Variants in ENTPD7 observed in about 807,000 individuals in gnomAD.
The protein encoded by ENTPD7 is ectonucleoside triphosphate diphosphohydrolase 7.
ENTPD7 carries 53 observed loss-of-function variants against 77.9 expected under a neutral mutation model. The observed-to-expected ratio is 0.68, with a 90% CI of 0.55 to 0.85. The LOEUF is 0.85. Ranked by LOEUF, ENTPD7 falls within the 40% of genes least tolerant of loss-of-function variation. The probability of loss-of-function intolerance (pLI) is 0.00; values close to 1 mark genes in which losing one functional copy is unlikely to be tolerated. For synonymous variants in ENTPD7, 248 were observed against 274.9 expected, an observed-to-expected ratio of 0.90 and a Z score of 0.97; for missense variants, 636 against 743.7, an observed-to-expected ratio of 0.86 and a Z score of 1.68.
At chr10:99,702,442 G>A in intron 11 of ENTPD7, 70 bp from the exon 12 acceptor site, 2 of 1,335,136 alleles carry the variant, frequency 1.5e-6, no homozygotes, top group Non-Finnish European at 2.0e-6. Context: ...AATACGGAGT[G>A]GCTTATTGCA....
In ENTPD7 at chr10:99,711,137, CAT is replaced by C; in HGVS notation, c.*6456_*6457del. ...CTAAGATAATCATTCACCAGAAGCT[CAT>C]AGATATAATACAGTTATATAGCTAA... On this transcript the variant is annotated 3_prime_UTR_variant, in exon 13 of 13. Coordinates refer to ENST00000370489, the MANE Select transcript of ENTPD7 (RefSeq NM_020354.5). 1.0e-6 allele frequency: 1 copy of C among 984,990 alleles called. No homozygotes were observed. Among genetic ancestry groups the C allele is most frequent in the Non-Finnish European group, 1.2e-6 (1 of 829,666 alleles). 61.0% of individuals were successfully genotyped at this position (984,990 alleles called of 1,614,324 possible). A position where few individuals can be genotyped will look rare whatever the true frequency, so the allele number is the denominator to read the frequency against.
In ENTPD7 at chr10:99,701,292, T is replaced by A. The variant is rs1041033041; in HGVS notation, c.1421+234T>A. 6.9e-4 allele frequency among the ~76,000 whole-genome samples: 3 copies of A among 4,374 alleles called. No individual in the cohort carries two copies. In the Admixed American group the frequency reaches 0.013, roughly 18 times the overall value. The allele number at this position is 4,374 out of a possible 152,430, so 2.9% of individuals were successfully genotyped here. On this transcript the variant is annotated intron_variant, in intron 11 of 12. Coordinates refer to ENST00000370489, the MANE Select transcript of ENTPD7 (RefSeq NM_020354.5). Reference sequence around the variant, plus strand: ...CAAGTGATTTGACAACAAAAGTGATTTTTTTTTTTTTTTGAGACAGAGTCT... The same window carrying A: ...CAAGTGATTTGACAACAAAAGTGATATTTTTTTTTTTTTGAGACAGAGTCT...
chr10:99,669,754 T>TTG (rs1177055383), intron 3 of ENTPD7, among the ~76,000 whole-genome samples: 32 of 129,960 alleles, frequency 2.5e-4, no homozygotes, highest in Non-Finnish European at 5.1e-4. Flanking sequence ...TTTTTTTTTT[T>TTG]TTTTTTTTTT....
Position 99,710,641 on chromosome 10 carries a change from C to T in ENTPD7, c.*5958C>T, listed in dbSNP as rs1344202295. On this transcript the variant is annotated 3_prime_UTR_variant, in exon 13 of 13. Coordinates refer to ENST00000370489, the MANE Select transcript of ENTPD7 (RefSeq NM_020354.5). Reference sequence around the variant, plus strand: ...ATGTTAGAGAGGTGATGCATTCTCCCTTATGCAGGGACATGGGTATATGTG... The same window carrying T: ...ATGTTAGAGAGGTGATGCATTCTCCTTTATGCAGGGACATGGGTATATGTG... 3 of 985,208 alleles carry T rather than the reference C, an allele frequency of 3.0e-6. No homozygotes were observed. The African/African-American group carries it at 5.2e-5, about 17-fold the overall frequency. The allele number at this position is 985,208 out of a possible 1,614,324, so 61.0% of individuals were successfully genotyped here. A position where few individuals can be genotyped will look rare whatever the true frequency, so the allele number is the denominator to read the frequency against.
Position 99,709,382 on chromosome 10 carries a change from T to G in ENTPD7, c.*4699T>G. ...TGGTAGAAATAGCAGATGTTTCAAA[T>G]TCTCCCATATTAGTCTCTTAGGGAC... On this transcript the variant is annotated 3_prime_UTR_variant, in exon 13 of 13. Transcript: ENST00000370489. The G allele has an allele frequency of 2.0e-6, 2 of 985,438 alleles. No individual in the cohort carries two copies. The highest frequency in any genetic ancestry group is 2.4e-6 in the Non-Finnish European group (2 of 829,932). The allele number at this position is 985,438 out of a possible 1,614,324, so 61.0% of individuals were successfully genotyped here.
chr10:99,665,961 C>A (rs1428671125), intron 3 of ENTPD7, among the ~76,000 whole-genome samples: 3 of 152,152 alleles, frequency 2.0e-5, no homozygotes, highest in Non-Finnish European at 4.4e-5. Context: ...TTGTTTAATG[C>A]TTATGGAATT....
chr10:99,689,201 T>C (rs2035850628), intron 7 of ENTPD7, among the ~76,000 whole-genome samples: 1 of 152,182 alleles, frequency 6.6e-6, no homozygotes, highest in Non-Finnish European at 1.5e-5. Flanking sequence ...AATTAACAAT[T>C]TCTAATATCA....
chr10:99,660,003 A>T, intron 2 of ENTPD7, 39 bp downstream of exon 2: 1 of 1,613,624 alleles, frequency 6.2e-7, no homozygotes. Context: ...GGAGCACGGC[A>T]GAGGATGGCA....
At chr10:99,694,188 C>G (rs1305143007) in intron 8 of ENTPD7, among the ~76,000 whole-genome samples, 1 of 152,150 alleles carries the variant, frequency 6.6e-6, no homozygotes, top group East Asian at 1.9e-4. Context: ...AGCAGTCACT[C>G]CTCATTCTCT....
At position 99,668,959 on chromosome 10, in the gene ENTPD7, C is replaced by T. The variant is rs967010424; in HGVS notation, c.191+7331C>T. Among the ~76,000 whole-genome samples the T allele has an allele frequency of 2.6e-5, 4 of 151,960 alleles. No homozygotes were observed. In the East Asian group the frequency reaches 7.7e-4, roughly 29 times the overall value. Reference sequence around the variant, plus strand: ...CCAGGAACCCACTTACACGTGTCTTCATGGGAGCAAGTTTGCAAACCTTTG... The same window carrying T: ...CCAGGAACCCACTTACACGTGTCTTTATGGGAGCAAGTTTGCAAACCTTTG... On this transcript the variant is annotated intron_variant, in intron 3 of 12. Transcript: ENST00000370489.
intron 7 of ENTPD7, among the ~76,000 whole-genome samples, chr10:99,691,116 A>G (rs1001704810): frequency 6.6e-6 from 1 of 152,100 alleles, no homozygotes; most frequent in Non-Finnish European, 1.5e-5. Flanking sequence ...CCTCCTGAGT[A>G]GCTGGGACTA....
Position 99,698,817 on chromosome 10 carries a change from G to A in ENTPD7, c.1294G>A (p.Gly432Ser). The change falls in exon 10 of 13, where the codon GGT (glycine) becomes AGT (serine). Residue 432 changes from glycine (G) to serine (S), a missense_variant. By Grantham distance (56) the Gly-to-Ser change is moderately conservative (BLOSUM62 0). Coordinates refer to ENST00000370489, the MANE Select transcript of ENTPD7 (RefSeq NM_020354.5). ...TTGTACAGAGGATGTGTTGCGCATT[G>A]GTGGCCGCTACCATGGGCCAACATT... ...FYCTEDVLRI[G>S]GRYHGPTFAK... 6.2e-7 allele frequency: 1 copy of A among 1,611,266 alleles called. No homozygotes were observed. The highest frequency in any genetic ancestry group is 8.5e-7 in the Non-Finnish European group (1 of 1,178,096).
chr10:99,677,397 C>T (rs987398230), intron 3 of ENTPD7, among the ~76,000 whole-genome samples: 1 of 137,292 alleles, frequency 7.3e-6, no homozygotes, highest in African/African-American at 2.8e-5. Context: ...TGGAGTCTCG[C>T]TCTGTCACCC....
chr10:99,704,814 A>T lies in ENTPD7; in HGVS notation c.*131A>T. 1.2e-6 allele frequency: 1 copy of T among 823,210 alleles called. No individual in the cohort carries two copies. The highest frequency in any genetic ancestry group is 1.9e-6 in the Non-Finnish European group (1 of 529,414). 51.0% of individuals were successfully genotyped at this position (823,210 alleles called of 1,614,324 possible). A position where few individuals can be genotyped will look rare whatever the true frequency, so the allele number is the denominator to read the frequency against. The stretch of plus-strand genomic sequence containing the variant: ...TATTTGCCCTTGGAATTTCTACTTT[A>T]CTTTCTACCGTAATTCCTTCTCCGT... On this transcript the variant is annotated 3_prime_UTR_variant, in exon 13 of 13. Transcript: ENST00000370489.
rs758575613 is a variant in ENTPD7 at position 99,691,460 on chromosome 10, C to T, written c.785C>T (p.Ala262Val). ...GTAGGGATACTGGATATGGGAGGAG[C>T]CTCTCTCCAAATTGCTTATGAAGTT... is the stretch of plus-strand genomic sequence containing the variant. ...RTVGILDMGG[A>V]SLQIAYEVPT... Residue 262 changes from alanine (A) to valine (V), a missense_variant, in exon 8 of 13, where the codon GCC becomes GTC. By Grantham distance (64) the Ala-to-Val change is moderately conservative. Transcript: ENST00000370489. 2 of 1,614,058 alleles carry T rather than the reference C, an allele frequency of 1.2e-6. No homozygotes were observed. Among genetic ancestry groups the T allele is most frequent in the Non-Finnish European group, 1.7e-6 (2 of 1,179,966 alleles).
intron 11 of ENTPD7, among the ~76,000 whole-genome samples, chr10:99,701,583 C>T (rs554606793): frequency 1.7e-4 from 26 of 151,488 alleles, no homozygotes; most frequent in Admixed American, 1.1e-3. Context: ...CCACCGGGCC[C>T]GGCCAAAAGT....
chr10:99,683,338 A>T (rs966906540), intron 5 of ENTPD7, among the ~76,000 whole-genome samples: 4 of 152,190 alleles, frequency 2.6e-5, no homozygotes, highest in Admixed American at 2.0e-4. Context: ...CTATATTTTG[A>T]ATTTATTAGC....
At chr10:99,691,341 A>AT in intron 7 of ENTPD7, 44 bp from the exon 8 acceptor site, 2 of 1,585,198 alleles carry the variant, frequency 1.3e-6, no homozygotes, top group Admixed American at 3.7e-5. Flanking sequence ...ACTTAATTTT[A>AT]TTTTTTAATT....
chr10:99,693,614 C>T lies in ENTPD7; in HGVS notation c.843+2096C>T, dbSNP rs190501424. ...GTACGGAATGCATACTTGCAAGCAA[C>T]AAATTAGATTTACATATAGCAGGCC... is the stretch of plus-strand genomic sequence containing the variant. On this transcript the variant is annotated intron_variant, in intron 8 of 12. Transcript: ENST00000370489. Among the ~76,000 whole-genome samples the T allele has an allele frequency of 3.4e-3, 515 of 152,190 alleles. 4 individuals carry two copies. The highest frequency in any genetic ancestry group is 0.01 in the Admixed American group (155 of 15,266).
Sources: allele counts gnomAD v4.1 joint callset (sites outside exome capture counted in the v4.1 genomes callset), GRCh38; gene constraint gnomAD v4.1.1; transcripts MANE v1.5; gene names NCBI Gene and HGNC (gene_info 2026-07-23, HGNC 2026-07-21).